The following ACOXL variants were observed in gnomAD, a reference collection of about 807,000 sequenced individuals.
The protein encoded by ACOXL is acyl-CoA oxidase like.
A neutral mutation model predicts 71.9 loss-of-function variants in ACOXL; 70 were observed. The ratio of observed to expected loss-of-function variants is 0.97; its 90% confidence interval spans 0.80 to 1.19. The LOEUF (loss-of-function observed/expected upper bound fraction) is 1.19, where lower values mean the gene tolerates loss of function less well. ACOXL is among the 50% of genes most tolerant of loss of function. The pLI, the probability that ACOXL is intolerant of heterozygous loss-of-function variation, is 0.00. For missense variants in ACOXL, 703 were observed against 736.3 expected (o/e 0.95, Z 0.52); for synonymous variants, 253 against 281.6 (o/e 0.90, Z 1.02).
At chr2:110,842,761 C>T (rs1260034859) in intron 10 of ACOXL, among the ~76,000 whole-genome samples, 1 of 152,090 alleles carries the variant, frequency 6.6e-6, no homozygotes, top group East Asian at 1.9e-4. Context: ...ATTTTATGGC[C>T]TGTATCAGGG....
At position 110,972,332 on chromosome 2, in the gene ACOXL, A is replaced by T. The variant is rs190814650; in HGVS notation, c.1060-14776A>T. ...AGTTTTACAGTCTGCTAAGAAAGAG[A>T]TCACCACAGACCTTAAGTCCAGACT... On this transcript the variant is annotated intron_variant, in intron 12 of 17. Coordinates refer to ENST00000439055, the MANE Select transcript of ACOXL (RefSeq NM_001142807.4). Among the ~76,000 whole-genome samples, 935 of 152,254 alleles carry T rather than the reference A, an allele frequency of 6.1e-3. 5 individuals carry two copies. The highest frequency in any genetic ancestry group is 0.01 in the Middle Eastern group (3 of 294).
At chr2:110,895,174 T>C (rs774143643) in intron 10 of ACOXL, among the ~76,000 whole-genome samples, 1 of 151,914 alleles carries the variant, frequency 6.6e-6, no homozygotes, top group Non-Finnish European at 1.5e-5. Flanking sequence ...TGCTGAAACA[T>C]GAAAAAATCT....
At chr2:110,797,174 G>A (rs142459142) in intron 5 of ACOXL, among the ~76,000 whole-genome samples, 13 of 152,276 alleles carry the variant, frequency 8.5e-5, no homozygotes, top group East Asian at 1.9e-4. Context: ...TTCCACTATC[G>A]GCTTCCAGAG....
chr2:111,074,639 T>C (rs993200309), intron 16 of ACOXL, among the ~76,000 whole-genome samples: 7 of 152,094 alleles, frequency 4.6e-5, no homozygotes, highest in African/African-American at 1.7e-4. Flanking sequence ...CCATCTCCCG[T>C]GCTGGAGTGC....
chr2:110,937,180 G>T (rs901344008), intron 12 of ACOXL, among the ~76,000 whole-genome samples: 2 of 152,100 alleles, frequency 1.3e-5, no homozygotes, highest in African/African-American at 4.8e-5. Flanking sequence ...CAGGGAGGGC[G>T]ATAAAAGCTG....
At chr2:110,911,321 C>T (rs2059642057) in intron 11 of ACOXL, among the ~76,000 whole-genome samples, 1 of 152,062 alleles carries the variant, frequency 6.6e-6, no homozygotes, top group Non-Finnish European at 1.5e-5. Context: ...ATCAGTCCTC[C>T]ACAAACTCTT....
At chr2:110,910,625 T>C (rs941226264) in intron 11 of ACOXL, among the ~76,000 whole-genome samples, 1 of 152,228 alleles carries the variant, frequency 6.6e-6, no homozygotes, top group Admixed American at 6.5e-5. Context: ...TTCAGTTCTT[T>C]CTTAATCATA....
At position 110,766,777 on chromosome 2, in the gene ACOXL, T is replaced by G. The variant is rs150859699; in HGVS notation, c.-22-1591T>G. The stretch of plus-strand genomic sequence containing the variant: ...CGCATCTTCTTGCTAGGCCTTGTTG[T>G]TGCTGGGTATAGATGGCCACTACTG... On this transcript the variant is annotated intron_variant, in intron 1 of 17. Transcript: ENST00000439055. 7.3e-3 allele frequency among the ~76,000 whole-genome samples: 1,106 copies of G among 152,272 alleles called. 15 individuals carry two copies. Among genetic ancestry groups the G allele is most frequent in the African/African-American group, 0.025 (1,051 of 41,532 alleles).
intron 2 of ACOXL, among the ~76,000 whole-genome samples, chr2:110,777,151 TGTTTG>T (rs1559247849): frequency 1.3e-5 from 2 of 152,084 alleles, no homozygotes; most frequent in African/African-American, 4.8e-5. Context: ...CATCTAAACA[TGTTTG>T]CGATGTTTAG....
At chr2:111,079,488 T>C (rs2067782220) in intron 16 of ACOXL, among the ~76,000 whole-genome samples, 1 of 152,234 alleles carries the variant, frequency 6.6e-6, no homozygotes, top group Non-Finnish European at 1.5e-5. Context: ...TGCCTCTCCA[T>C]GACCATCCTG....
At chr2:111,002,577 A>G (rs1008251130) in intron 14 of ACOXL, among the ~76,000 whole-genome samples, 1 of 152,184 alleles carries the variant, frequency 6.6e-6, no homozygotes, top group African/African-American at 2.4e-5. Context: ...ACATGCTACA[A>G]AATTGTTCTT....
intron 10 of ACOXL, among the ~76,000 whole-genome samples, chr2:110,879,563 C>T (rs1696364106): frequency 6.6e-6 from 1 of 152,180 alleles, no homozygotes; most frequent in South Asian, 2.1e-4. Context: ...TGCAAGAAGA[C>T]ATGAACAGAT....
intron 12 of ACOXL, among the ~76,000 whole-genome samples, chr2:110,948,914 A>G (rs1460057862): frequency 6.6e-6 from 1 of 151,928 alleles, no homozygotes; most frequent in Non-Finnish European, 1.5e-5. Flanking sequence ...CATTGGAATA[A>G]CATAGATGGT....
intron 12 of ACOXL, among the ~76,000 whole-genome samples, chr2:110,934,016 C>T (rs969604661): frequency 2.6e-5 from 4 of 152,216 alleles, no homozygotes; most frequent in Admixed American, 6.5e-5. Flanking sequence ...GTTTCCCTCA[C>T]CCCTGGTGAG....
In ACOXL at chr2:110,736,114, C is replaced by A. The variant is rs189933214; in HGVS notation, c.-23+3340C>A. ...ACCTTTTCATGTGTTTAGCTTTTCC[C>A]CATGAGTATTTCATGAACACGTTCT... On this transcript the variant is annotated intron_variant, in intron 1 of 17. Coordinates refer to ENST00000439055, the MANE Select transcript of ACOXL (RefSeq NM_001142807.4). Among the ~76,000 whole-genome samples, 407 of 152,238 alleles carry A rather than the reference C, an allele frequency of 2.7e-3. 2 individuals are homozygous for A. The highest frequency in any genetic ancestry group is 3.9e-3 in the Non-Finnish European group (266 of 68,024).
At chr2:110,743,755 C>T (rs746269461) in intron 1 of ACOXL, among the ~76,000 whole-genome samples, 13 of 152,188 alleles carry the variant, frequency 8.5e-5, no homozygotes, top group Non-Finnish European at 1.9e-4. Flanking sequence ...CTTAGAACTC[C>T]CCTCACCTGC....
Position 110,942,591 on chromosome 2 carries a change from A to C in ACOXL, c.1059+8949A>C, listed in dbSNP as rs143144944. On this transcript the variant is annotated intron_variant, in intron 12 of 17. Coordinates refer to ENST00000439055, the MANE Select transcript of ACOXL (RefSeq NM_001142807.4). ...TTTGGTTATCTTCAGTTTACAGATGAGAAAGCTGATGTGGCCAGGCGCCAT... is the reference window on the plus strand; with the variant it reads ...TTTGGTTATCTTCAGTTTACAGATGCGAAAGCTGATGTGGCCAGGCGCCAT... Among the ~76,000 whole-genome samples, 303 of 152,258 alleles carry C rather than the reference A, an allele frequency of 2.0e-3. 2 individuals are homozygous for C. Among genetic ancestry groups the C allele is most frequent in the African/African-American group, 7.1e-3 (295 of 41,548 alleles).
chr2:110,904,277 A>G (rs1404746889), intron 10 of ACOXL, among the ~76,000 whole-genome samples: 1 of 152,098 alleles, frequency 6.6e-6, no homozygotes. Context: ...TTCATCTTCT[A>G]TCCCTGTCCT....
At chr2:110,887,528 C>T (rs985922024) in intron 10 of ACOXL, 2 of 152,300 alleles carry the variant, frequency 1.3e-5, no homozygotes, top group Admixed American at 6.5e-5. Context: ...GATCATAGCT[C>T]ACTGCAGCCT....
Sources: allele counts gnomAD v4.1 joint callset (sites outside exome capture counted in the v4.1 genomes callset), GRCh38; gene constraint gnomAD v4.1.1; transcripts MANE v1.5; gene names NCBI Gene and HGNC (gene_info 2026-07-23, HGNC 2026-07-21).